The following GPR26 variants were observed in gnomAD, a reference collection of about 807,000 sequenced individuals.
GPR26 encodes G protein-coupled receptor 26.
In GPR26, 15 loss-of-function variants were observed where a neutral mutation model predicts 23.1. The ratio of observed to expected loss-of-function variants is 0.65; its 90% CI spans 0.43 to 1.00. GPR26 has a LOEUF of 1.00. GPR26 is among the 50% of genes least tolerant of loss of function. GPR26 has a pLI of 0.00. For missense variants in GPR26, 359 were observed against 470.5 expected, an observed-to-expected ratio of 0.76 and a Z score of 2.19; for synonymous variants, 228 against 222.1, an observed-to-expected ratio of 1.03 and a Z score of -0.24.
Position 123,694,955 on chromosome 10 carries a change from C to T in GPR26, c.*6795C>T, listed in dbSNP as rs1324188894. On this transcript the variant is annotated 3_prime_UTR_variant, in exon 3 of 3. Transcript: ENST00000284674. Reference sequence around the variant, plus strand: ...AATGTTTGTCTTCGGTAGGGAGTGCCACACATTTAATATCAATGCAGGGTC... The same window carrying T: ...AATGTTTGTCTTCGGTAGGGAGTGCTACACATTTAATATCAATGCAGGGTC... Among the ~76,000 whole-genome samples, 1 of 152,162 alleles carries T rather than the reference C, an allele frequency of 6.6e-6. No individual in the cohort carries two copies. Among genetic ancestry groups the T allele is most frequent in the East Asian group, 1.9e-4 (1 of 5,196 alleles).
intron 1 of GPR26, among the ~76,000 whole-genome samples, chr10:123,671,438 C>A (rs1845249130): frequency 6.6e-6 from 1 of 151,410 alleles, no homozygotes; most frequent in Non-Finnish European, 1.5e-5. Context: ...CGCACTCTGG[C>A]TGAACAGTAC....
chr10:123,680,390 G>C (rs890579386), intron 2 of GPR26, among the ~76,000 whole-genome samples: 7 of 152,172 alleles, frequency 4.6e-5, no homozygotes. Flanking sequence ...GATGGACTGG[G>C]TGAGCTATGT....
Position 123,692,448 on chromosome 10 carries a change from A to G in GPR26, c.*4288A>G, listed in dbSNP as rs778945148. The G allele has an allele frequency of 6.6e-6, 1 of 152,334 alleles. No homozygotes were observed. Among genetic ancestry groups the G allele is most frequent in the Admixed American group, 6.5e-5 (1 of 15,284 alleles). 9.4% of individuals were successfully genotyped at this position (152,334 alleles called of 1,614,324 possible). On this transcript the variant is annotated 3_prime_UTR_variant, in exon 3 of 3. Coordinates refer to ENST00000284674, the MANE Select transcript of GPR26 (RefSeq NM_153442.4). ...GGGTGTGGGTCTCTTGTTGGCTCCC[A>G]GCTCATCCCGTGTGGCTGACCCTTC...
chr10:123,687,750 T>A (rs57398074), intron 2 of GPR26, among the ~76,000 whole-genome samples, 179 bp from the exon 3 acceptor site: 2,918 of 152,342 alleles, frequency 0.019, 99 homozygotes, highest in African/African-American at 0.068. Flanking sequence ...GCCTGATGAA[T>A]GTTCACCATC....
rs949568066 is a variant in GPR26 at position 123,691,667 on chromosome 10, G to A, written c.*3507G>A. 6.6e-6 allele frequency: 1 copy of A among 152,136 alleles called. No individual in the cohort carries two copies. Among genetic ancestry groups the A allele is most frequent in the African/African-American group, 2.4e-5 (1 of 41,416 alleles). The allele number at this position is 152,136 out of a possible 1,614,324, so 9.4% of individuals were successfully genotyped here. A position where few individuals can be genotyped will look rare whatever the true frequency, so the allele number is the denominator to read the frequency against. ...GGGTCAGCTCCTATCCTCTGGACGG[G>A]GAGCATCATGGGAAAAAGAGGTCCG... On this transcript the variant is annotated 3_prime_UTR_variant, in exon 3 of 3. Coordinates refer to ENST00000284674, the MANE Select transcript of GPR26 (RefSeq NM_153442.4).
rs371996607 is a variant in GPR26, at chr10:123,666,907, T to A, written c.500T>A (p.Leu167Gln). Residue 167 changes from leucine to glutamine, a missense_variant, in exon 1 of 3, where the codon CTG becomes CAG. By Grantham distance (113) the Leu-to-Gln change is moderately radical. Transcript: ENST00000284674. Reference protein sequence around the residue: ...TLCSRRPDERLRFAVFTGAFH... With the variant: ...TLCSRRPDERQRFAVFTGAFH... ...TGCAGCCGGCGGCCAGACGAGCGCC[T>A]GCGCTTCGCCGTCTTCACTGGCGCC... is the stretch of plus-strand genomic sequence containing the variant. 33 of 1,612,824 alleles carry A rather than the reference T, an allele frequency of 2.0e-5. No homozygotes were observed. In the African/African-American group the frequency reaches 3.2e-4, roughly 16 times the overall value.
intron 2 of GPR26, among the ~76,000 whole-genome samples, chr10:123,678,936 G>A (rs1047349107): frequency 1.3e-5 from 2 of 152,194 alleles, no homozygotes; most frequent in Non-Finnish European, 2.9e-5. Flanking sequence ...TTGCTTGTGA[G>A]GAGAAGCCAA....
Position 123,695,339 on chromosome 10 carries a change from G to A in GPR26, c.*7179G>A. Among the ~76,000 whole-genome samples, 1 of 152,170 alleles carries A rather than the reference G, an allele frequency of 6.6e-6. No individual in the cohort carries two copies. Among genetic ancestry groups the A allele is most frequent in the East Asian group, 1.9e-4 (1 of 5,194 alleles). On this transcript the variant is annotated 3_prime_UTR_variant, in exon 3 of 3. Coordinates refer to ENST00000284674, the MANE Select transcript of GPR26 (RefSeq NM_153442.4). ...GTATTTCCTGTGTCCTCTCATGCAT[G>A]CTCAGCATGTCACTGTTGTACTCAT...
At position 123,688,112 on chromosome 10, in the gene GPR26, C is replaced by A; in HGVS notation, c.966C>A (p.Gly322=). The change falls in exon 3 of 3, where the codon GGC becomes GGA. Residue 322 remains glycine, a synonymous_variant. Transcript: ENST00000284674. ...LLHRRSIHSS[G]LTGDSHSQNI... ...ACAGACGCTCCATCCACTCCTCTGG[C>A]CTCACAGGCGACTCTCACAGCCAGA... The A allele has an allele frequency of 6.2e-7, 1 of 1,613,592 alleles. No individual in the cohort carries two copies. Among genetic ancestry groups the A allele is most frequent in the South Asian group, 1.1e-5 (1 of 91,090 alleles).
chr10:123,685,267 T>G (rs1056999107), intron 2 of GPR26, among the ~76,000 whole-genome samples: 1 of 152,178 alleles, frequency 6.6e-6, no homozygotes, highest in Non-Finnish European at 1.5e-5. Context: ...AAAGGTCATC[T>G]GGAAGGGATC....
chr10:123,685,842 G>A (rs1449998253), intron 2 of GPR26, among the ~76,000 whole-genome samples: 2 of 152,202 alleles, frequency 1.3e-5, no homozygotes, highest in Non-Finnish European at 2.9e-5. Context: ...TCATCTCTCT[G>A]AGCCTCAATT....
chr10:123,688,139 C>T lies in GPR26; in HGVS notation c.993C>T (p.Asn331=), dbSNP rs923696691. The T allele has an allele frequency of 2.5e-6, 4 of 1,601,552 alleles. No individual in the cohort carries two copies. The highest frequency in any genetic ancestry group is 2.6e-6 in the Non-Finnish European group (3 of 1,172,280). The change falls in exon 3 of 3, where the codon AAC becomes AAT. Residue 331 remains asparagine, a synonymous_variant. Transcript: ENST00000284674. ...SGLTGDSHSQ[N]ILPVSE is the part of the protein sequence containing the mutation. Reference sequence around the variant, plus strand: ...TCACAGGCGACTCTCACAGCCAGAACATTCTGCCGGTGTCTGAGTGAAGGA... The same window carrying T: ...TCACAGGCGACTCTCACAGCCAGAATATTCTGCCGGTGTCTGAGTGAAGGA...
chr10:123,670,565 T>A (rs1335410753), intron 1 of GPR26, among the ~76,000 whole-genome samples: 1 of 152,196 alleles, frequency 6.6e-6, no homozygotes, highest in Non-Finnish European at 1.5e-5. Flanking sequence ...GCATTTAGAA[T>A]TCTCAGGCTC....
chr10:123,679,774 T>C (rs1304934341), intron 2 of GPR26, among the ~76,000 whole-genome samples: 6 of 119,612 alleles, frequency 5.0e-5, no homozygotes, highest in Admixed American at 1.7e-4. Context: ...TGTAGATCTG[T>C]GGCTGTGGCA....
At position 123,674,779 on chromosome 10, in the gene GPR26, G is replaced by A. The variant is rs201045075; in HGVS notation, c.669-39G>A. On this transcript the variant is annotated intron_variant, in intron 1 of 2. Transcript: ENST00000284674. This position sits in a 1 kb window ranked among gnomAD's most constrained non-coding sequence, Gnocchi z 4.1. The stretch of plus-strand genomic sequence containing the variant: ...AGTGCCTCATCCTGACCTAGCAAGG[G>A]TGCCTCGTAGTTCACCTTCTCTCCT... 3 of 1,345,092 alleles carry A rather than the reference G, an allele frequency of 2.2e-6. No homozygotes were observed. The Admixed American group carries it at 5.1e-5, about 23-fold the overall frequency. 83.3% of individuals were successfully genotyped at this position (1,345,092 alleles called of 1,614,324 possible). A position where few individuals can be genotyped will look rare whatever the true frequency, so the allele number is the denominator to read the frequency against.
intron 2 of GPR26, among the ~76,000 whole-genome samples, chr10:123,676,734 A>T (rs1000729954): frequency 6.6e-6 from 1 of 152,188 alleles, no homozygotes; most frequent in African/African-American, 2.4e-5. Context: ...ACTTAGCAGC[A>T]TGACTCTGGA....
intron 1 of GPR26, among the ~76,000 whole-genome samples, chr10:123,669,142 C>A (rs1472264105): frequency 6.6e-6 from 1 of 152,234 alleles, no homozygotes; most frequent in African/African-American, 2.4e-5. Flanking sequence ...GGCCCAGTCT[C>A]ATTGGAGAGA....
At position 123,696,973 on chromosome 10, in the gene GPR26, G is replaced by A. The variant is rs184225696; in HGVS notation, c.*8813G>A. Among the ~76,000 whole-genome samples, 6 of 152,342 alleles carry A rather than the reference G, an allele frequency of 3.9e-5. No individual in the cohort carries two copies. Among genetic ancestry groups the A allele is most frequent in the Non-Finnish European group, 8.8e-5 (6 of 68,028 alleles). ...CGTGATTATATGCATATGGGTGAATGTTTGTGTGCCCGTGATTATATGCAT... is the reference window on the plus strand; with the variant it reads ...CGTGATTATATGCATATGGGTGAATATTTGTGTGCCCGTGATTATATGCAT... On this transcript the variant is annotated 3_prime_UTR_variant, in exon 3 of 3. Coordinates refer to ENST00000284674, the MANE Select transcript of GPR26 (RefSeq NM_153442.4).
chr10:123,685,956 G>A (rs933785646), intron 2 of GPR26, among the ~76,000 whole-genome samples: 4 of 152,182 alleles, frequency 2.6e-5, no homozygotes, highest in South Asian at 2.1e-4. Context: ...ACTCAACTGG[G>A]AATTACGATG....
Sources: gnomAD v4.1 joint callset for allele counts (sites outside exome capture counted in the v4.1 genomes callset) on GRCh38, gnomAD v4.1.1 for gene constraint, Gnocchi (gnomAD v3.1) non-coding constraint, MANE v1.5 for transcripts, NCBI Gene and HGNC (gene_info 2026-07-23, HGNC 2026-07-21) for gene names.